The following NDUFB4 variants were observed in gnomAD, a reference collection of about 807,000 sequenced individuals.
The protein encoded by NDUFB4 is NADH:ubiquinone oxidoreductase subunit B4.
NDUFB4 carries 10 observed loss-of-function variants against 14.5 expected under a neutral mutation model. The observed-to-expected ratio is 0.69, with a 90% CI of 0.43 to 1.17. The LOEUF (loss-of-function observed/expected upper bound fraction) is 1.17. Ranked by LOEUF, NDUFB4 falls within the 50% of genes most tolerant of loss-of-function variation. NDUFB4 has a pLI of 0.00. For missense variants in NDUFB4, 165 were observed against 161.1 expected (o/e 1.02, Z -0.13); for synonymous variants, 65 against 63.4 (o/e 1.03, Z -0.12).
At chr3:120,600,671 A>T (rs902425701) in intron 1 of NDUFB4, among the ~76,000 whole-genome samples, 3 of 152,214 alleles carry the variant, frequency 2.0e-5, no homozygotes, top group African/African-American at 7.2e-5. Flanking sequence ...CTGGAAACAA[A>T]ATACAAAGCA....
chr3:120,597,908 T>C (rs1361277103), intron 1 of NDUFB4, among the ~76,000 whole-genome samples: 1 of 152,146 alleles, frequency 6.6e-6, no homozygotes, highest in Admixed American at 6.5e-5. Flanking sequence ...AGATCTTCTG[T>C]CTTCTAGCTG....
intron 1 of NDUFB4, among the ~76,000 whole-genome samples, chr3:120,600,159 T>A (rs1940034971): frequency 7.1e-6 from 1 of 140,426 alleles, no homozygotes; most frequent in Admixed American, 7.4e-5. Context: ...TGCAGCTGAT[T>A]ATCTCAGGGT....
intron 1 of NDUFB4, among the ~76,000 whole-genome samples, chr3:120,599,327 G>C (rs1940018968): frequency 6.6e-6 from 1 of 152,032 alleles, no homozygotes; most frequent in Non-Finnish European, 1.5e-5. Flanking sequence ...CAGGGCTGGA[G>C]GTAAAATTTT....
chr3:120,601,089 T>C, intron 1 of NDUFB4, 22 bp from the exon 2 acceptor site: 1 of 1,590,022 alleles, frequency 6.3e-7, no homozygotes, highest in Non-Finnish European at 8.6e-7. Flanking sequence ...GTTCTATAAC[T>C]TTTTGTTTTC....
At chr3:120,597,144 C>T (rs541568337) in intron 1 of NDUFB4, among the ~76,000 whole-genome samples, 3 of 151,022 alleles carry the variant, frequency 2.0e-5, no homozygotes, top group Admixed American at 6.6e-5. Context: ...CTGCTCTCTC[C>T]TGATGGGAAT....
chr3:120,596,399 C>T lies in NDUFB4; in HGVS notation c.40C>T (p.Leu14=). 1.2e-6 allele frequency: 2 copies of T among 1,614,228 alleles called. No individual in the cohort carries two copies. The highest frequency in any genetic ancestry group is 1.7e-6 in the Non-Finnish European group (2 of 1,180,036). The change falls in exon 1 of 3, where the codon CTG becomes TTG. Residue 14 remains leucine (L), a synonymous_variant. Coordinates refer to ENST00000184266, the MANE Select transcript of NDUFB4 (RefSeq NM_004547.6). ...GTATAAGCCGTCGAGCCTGCGCACT[C>T]TGCCTGAGACCCTCGACCCAGCCGA... ...PKYKPSSLRT[L]PETLDPAEYN...
intron 1 of NDUFB4, 32 bp downstream of exon 1, chr3:120,596,571 G>T: frequency 6.2e-7 from 1 of 1,606,494 alleles, no homozygotes; most frequent in Non-Finnish European, 8.5e-7. Context: ...CGGGAATAGG[G>T]CCCGAGTCCT....
In NDUFB4 at chr3:120,600,109, G is replaced by GT. The variant is rs1186301411; in HGVS notation, c.181-991dup. ...GGAACGGAAGCATTTCCATCATAAG[G>GT]TTTTTTTTTTTGTTTTTTTTTTTTT... On this transcript the variant is annotated intron_variant, in intron 1 of 2. Coordinates refer to ENST00000184266, the MANE Select transcript of NDUFB4 (RefSeq NM_004547.6). Among the ~76,000 whole-genome samples the GT allele has an allele frequency of 4.1e-3, 551 of 132,932 alleles. 11 individuals are homozygous for GT. Among genetic ancestry groups the GT allele is most frequent in the South Asian group, 8.9e-3 (34 of 3,808 alleles). 87.2% of individuals were successfully genotyped at this position (132,932 alleles called of 152,430 possible).
intron 1 of NDUFB4, 93 bp downstream of exon 1, chr3:120,596,632 G>T: frequency 1.5e-6 from 2 of 1,378,148 alleles, no homozygotes; most frequent in Admixed American, 2.0e-5. Context: ...CTCCCGATCA[G>T]TATCTCAGAC....
intron 1 of NDUFB4, chr3:120,600,817 A>C (rs1480716440): frequency 3.2e-6 from 1 of 317,174 alleles, no homozygotes; most frequent in East Asian, 8.1e-5. Context: ...GGCTTCTCTG[A>C]CAGTTAGATT....
At chr3:120,601,814 A>G in intron 2 of NDUFB4, 5 of 1,027,302 alleles carry the variant, frequency 4.9e-6, no homozygotes, top group Non-Finnish European at 5.8e-6. Context: ...CTGCATTCCC[A>G]TTAGAGTTCG....
In NDUFB4 at chr3:120,602,374, A is replaced by G. The variant is rs1940079614; in HGVS notation, c.*104A>G. ...GTATTACCTTGATTCAATGTTAAAA[A>G]CTATTAACACCCTAACAACACAGAA... On this transcript the variant is annotated 3_prime_UTR_variant, in exon 3 of 3. Transcript: ENST00000184266. The G allele has an allele frequency of 6.4e-6, 7 of 1,101,534 alleles. No homozygotes were observed. The highest frequency in any genetic ancestry group is 3.9e-6 in the Non-Finnish European group (3 of 760,926). 68.2% of individuals were successfully genotyped at this position (1,101,534 alleles called of 1,614,324 possible). A position where few individuals can be genotyped will look rare whatever the true frequency, so the allele number is the denominator to read the frequency against.
At chr3:120,600,302 A>G (rs1349813626) in intron 1 of NDUFB4, among the ~76,000 whole-genome samples, 8 of 151,626 alleles carry the variant, frequency 5.3e-5, no homozygotes, top group African/African-American at 1.9e-4. Flanking sequence ...CTTAAAGCTG[A>G]TTTTATTTGC....
At chr3:120,596,632 G>A (rs1396848079) in intron 1 of NDUFB4, 93 bp downstream of exon 1, 1 of 1,378,030 alleles carries the variant, frequency 7.3e-7, no homozygotes, top group African/African-American at 1.4e-5. Flanking sequence ...CTCCCGATCA[G>A]TATCTCAGAC....
Position 120,596,487 on chromosome 3 carries a change from T to C in NDUFB4, c.128T>C (p.Leu43Pro), listed in dbSNP as rs1223794880. 1.2e-6 allele frequency: 2 copies of C among 1,614,040 alleles called. No homozygotes were observed. Among genetic ancestry groups the C allele is most frequent in the South Asian group, 1.1e-5 (1 of 91,050 alleles). The part of the protein sequence containing the change: ...QAERLAIRAQ[L>P]KREYLLQYND... ...GAGCGGTTGGCCATAAGAGCCCAGC[T>C]GAAACGAGAGTACCTGCTTCAGTAC... Residue 43 changes from leucine to proline, a missense_variant, in exon 1 of 3, where the codon CTG becomes CCG. Leu to Pro is a moderately conservative substitution (Grantham distance 98). Transcript: ENST00000184266.
intron 1 of NDUFB4, among the ~76,000 whole-genome samples, chr3:120,599,026 G>A (rs530923105): frequency 3.9e-5 from 6 of 152,204 alleles, no homozygotes; most frequent in South Asian, 2.1e-4. Flanking sequence ...GGCAGAAGGC[G>A]GTGAGAAATG....
intron 2 of NDUFB4, chr3:120,601,536 C>T (rs1428738076): frequency 3.8e-5 from 48 of 1,265,912 alleles, no homozygotes; most frequent in Non-Finnish European, 4.3e-5. Flanking sequence ...TCATTTAGTA[C>T]GTTTCCTGTT....
rs1162037110 is a variant in NDUFB4 at position 120,601,549 on chromosome 3, C to T, written c.327+292C>T. 9 of 1,223,826 alleles carry T rather than the reference C, an allele frequency of 7.4e-6. No individual in the cohort carries two copies. The South Asian group carries it at 7.5e-5, about 10-fold the overall frequency. 75.8% of individuals were successfully genotyped at this position (1,223,826 alleles called of 1,614,324 possible). On this transcript the variant is annotated intron_variant, in intron 2 of 2. Coordinates refer to ENST00000184266, the MANE Select transcript of NDUFB4 (RefSeq NM_004547.6). Reference sequence around the variant, plus strand: ...AATCATTTAGTACGTTTCCTGTTTGCGTGAATTCTATTTATGTTGGTCACA... The same window carrying T: ...AATCATTTAGTACGTTTCCTGTTTGTGTGAATTCTATTTATGTTGGTCACA...
intron 2 of NDUFB4, chr3:120,601,824 G>C (rs914537024): frequency 2.0e-6 from 2 of 1,025,408 alleles, no homozygotes; most frequent in African/African-American, 3.5e-5. Context: ...ATTAGAGTTC[G>C]TGTATTTTGA....
Sources: allele counts gnomAD v4.1 joint callset (sites outside exome capture counted in the v4.1 genomes callset), GRCh38; gene constraint gnomAD v4.1.1; transcripts MANE v1.5; gene names NCBI Gene and HGNC (gene_info 2026-07-23, HGNC 2026-07-21).